TNRC6B: variants seen among roughly 807,000 people sequenced by gnomAD.
TNRC6B encodes the protein trinucleotide repeat-containing gene 6B protein.
A neutral mutation model predicts 203.6 loss-of-function variants in TNRC6B; 52 were observed. The observed-to-expected ratio is 0.26, with a 90% CI of 0.20 to 0.32. The LOEUF (loss-of-function observed/expected upper bound fraction) is 0.32, where lower values mean the gene tolerates loss of function less well. TNRC6B is among the 10% of genes least tolerant of loss of function. The probability of loss-of-function intolerance (pLI) is 1.00; values close to 1 mark genes in which losing one functional copy is unlikely to be tolerated. For synonymous variants in TNRC6B, 838 were observed against 845.7 expected (o/e 0.99, Z 0.16); for missense variants, 1,923 against 2,286.2 (o/e 0.84, Z 3.24).
intron 2 of TNRC6B, 69 bp downstream of exon 2, chr22:40,246,171 T>A: frequency 1.6e-6 from 2 of 1,220,360 alleles, no homozygotes; most frequent in South Asian, 2.9e-5. Flanking sequence ...AGAAACTGTC[T>A]TGGCTTGAAT....
chr22:40,206,484 G>C (rs901654852), intron 1 of TNRC6B, among the ~76,000 whole-genome samples: 4 of 152,088 alleles, frequency 2.6e-5, no homozygotes, highest in African/African-American at 7.2e-5. Flanking sequence ...GGTTAAGAAG[G>C]CTCAATTATT....
chr22:40,127,025 A>T (rs139946025), intron 3 of TNRC6B, among the ~76,000 whole-genome samples: 23 of 148,996 alleles, frequency 1.5e-4, no homozygotes, highest in African/African-American at 4.4e-4. Flanking sequence ...TAAATAAAAT[A>T]AAAATAAATA....
At chr22:40,104,915 C>T (rs896905344) in intron 1 of TNRC6B, among the ~76,000 whole-genome samples, 4 of 152,184 alleles carry the variant, frequency 2.6e-5, no homozygotes, top group Non-Finnish European at 4.4e-5. Context: ...GGAATTTAGA[C>T]CAATCAGTCT....
Position 40,323,425 on chromosome 22 carries a change from TCA to T in TNRC6B, c.*185_*186del, listed in dbSNP as rs2071364593. On this transcript the variant is annotated 3_prime_UTR_variant, in exon 23 of 23. Coordinates refer to ENST00000454349, the MANE Select transcript of TNRC6B (RefSeq NM_001162501.2). ...GCACATAGTTGCCTCCCTTATAACT[TCA>T]GTTTTTTCGTTTGGAATATGAATCC... 1 of 655,258 alleles carries T rather than the reference TCA, an allele frequency of 1.5e-6. No individual in the cohort carries two copies. The highest frequency in any genetic ancestry group is 1.9e-5 in the African/African-American group (1 of 53,570). 40.6% of individuals were successfully genotyped at this position (655,258 alleles called of 1,614,324 possible). A position where few individuals can be genotyped will look rare whatever the true frequency, so the allele number is the denominator to read the frequency against.
chr22:40,255,883 T>C (rs538262769), intron 3 of TNRC6B, among the ~76,000 whole-genome samples: 12 of 152,244 alleles, frequency 7.9e-5, no homozygotes, highest in African/African-American at 2.6e-4. Flanking sequence ...GACAGAGTCT[T>C]GCTCTGTTGC....
chr22:40,231,020 C>T (rs2069862281), intron 1 of TNRC6B, among the ~76,000 whole-genome samples: 1 of 152,018 alleles, frequency 6.6e-6, no homozygotes, highest in South Asian at 2.1e-4. Flanking sequence ...ATTACCTTTG[C>T]AGCTTTTTTG....
chr22:40,045,052 G>A (rs2067673693), intron 1 of TNRC6B: 1 of 146,444 alleles, frequency 6.8e-6, no homozygotes, highest in Admixed American at 6.8e-5. Flanking sequence ...GCCCCGCCGG[G>A]ACGGAGCGGG....
intron 3 of TNRC6B, among the ~76,000 whole-genome samples, chr22:40,257,646 G>T (rs1468826636): frequency 6.6e-6 from 1 of 152,080 alleles, no homozygotes; most frequent in African/African-American, 2.4e-5. Flanking sequence ...ATCCTGGGAG[G>T]CGGAGGTTGC....
At chr22:40,299,164 A>C (rs74609659) in intron 12 of TNRC6B, among the ~76,000 whole-genome samples, 87 of 151,206 alleles carry the variant, frequency 5.8e-4, no homozygotes, top group African/African-American at 1.3e-3. Context: ...AAAACAAAAA[A>C]AAAAAAAAAA....
At chr22:40,124,876 G>C (rs1216376033) in intron 2 of TNRC6B, among the ~76,000 whole-genome samples, 1 of 151,934 alleles carries the variant, frequency 6.6e-6, no homozygotes, top group Non-Finnish European at 1.5e-5. Flanking sequence ...GGCCGGGTGT[G>C]GTGGCAGGCG....
In TNRC6B at chr22:40,331,457, A is replaced by G. The variant is rs1287459075; in HGVS notation, c.*8216A>G. The G allele has an allele frequency of 8.5e-6, 3 of 353,990 alleles. No individual in the cohort carries two copies. Among genetic ancestry groups the G allele is most frequent in the African/African-American group, 4.2e-5 (2 of 47,842 alleles). The allele number at this position is 353,990 out of a possible 1,614,324, so 21.9% of individuals were successfully genotyped here. A position where few individuals can be genotyped will look rare whatever the true frequency, so the allele number is the denominator to read the frequency against. On this transcript the variant is annotated 3_prime_UTR_variant, in exon 23 of 23. Transcript: ENST00000454349. ...CAAGCAAATGCTAAGGGCCATTTCC[A>G]TGATTCCTCAGAGCTCCCCCAAAGA...
chr22:40,098,219 C>T (rs1236916974), intron 1 of TNRC6B, among the ~76,000 whole-genome samples: 1 of 151,668 alleles, frequency 6.6e-6, no homozygotes, highest in Admixed American at 6.6e-5. Context: ...AACCCCATCT[C>T]TACTAAAAAT....
intron 3 of TNRC6B, among the ~76,000 whole-genome samples, chr22:40,141,684 C>T (rs1340086465): frequency 6.6e-6 from 1 of 152,086 alleles, no homozygotes; most frequent in African/African-American, 2.4e-5. Flanking sequence ...TGTAGTCTGC[C>T]TACTGTTGCA....
At position 40,137,810 on chromosome 22, in the gene TNRC6B, C is replaced by T. The variant is rs772927352; in HGVS notation, c.45+11948C>T. On this transcript the variant is annotated intron_variant, in intron 3 of 23. Transcript: ENST00000301923. Reference sequence around the variant, plus strand: ...ACCAGCCTGGCCAACATGGTGAAACCGCATCTCTACTAAAAATACAAAAAT... The same window carrying T: ...ACCAGCCTGGCCAACATGGTGAAACTGCATCTCTACTAAAAATACAAAAAT... 7.2e-5 allele frequency among the ~76,000 whole-genome samples: 11 copies of T among 151,882 alleles called. No individual in the cohort carries two copies. The South Asian group carries it at 1.2e-3, about 17-fold the overall frequency.
intron 1 of TNRC6B, among the ~76,000 whole-genome samples, chr22:40,048,241 G>T (rs551356871): frequency 6.6e-6 from 1 of 152,178 alleles, no homozygotes; most frequent in East Asian, 1.9e-4. Context: ...TTACCTAGTG[G>T]GTAAATTTCC....
rs189799786 is a variant in TNRC6B at position 40,266,009 on chromosome 22, C to T, written c.1779C>T (p.Tyr593=). 3.0e-4 allele frequency: 487 copies of T among 1,613,830 alleles called. No homozygotes were observed. The highest frequency in any genetic ancestry group is 8.3e-4 in the Admixed American group (50 of 60,032). Residue 593 remains tyrosine, a synonymous_variant, in exon 5 of 23, where the codon TAC becomes TAT. Coordinates refer to ENST00000454349, the MANE Select transcript of TNRC6B (RefSeq NM_001162501.2). ...GTCATAACTCTGGCCGTCGGTCGTA[C>T]AGGCCCACACATCCTGATTGTCAGG... The part of the protein sequence containing the change: ...SDSHNSGRRS[Y]RPTHPDCQAV...
intron 1 of TNRC6B, among the ~76,000 whole-genome samples, chr22:40,101,961 G>A (rs150497734): frequency 5.3e-4 from 81 of 152,316 alleles, no homozygotes; most frequent in South Asian, 8.3e-4. Flanking sequence ...GGCCGAGCCA[G>A]TGACCTACTT....
At chr22:40,086,708 A>C (rs1255286944) in intron 1 of TNRC6B, among the ~76,000 whole-genome samples, 1 of 152,246 alleles carries the variant, frequency 6.6e-6, no homozygotes, top group Non-Finnish European at 1.5e-5. Context: ...AGAGAAATTC[A>C]ATTTTTTCTT....
chr22:40,122,651 A>T (rs2068456039), intron 2 of TNRC6B, among the ~76,000 whole-genome samples: 1 of 152,182 alleles, frequency 6.6e-6, no homozygotes, highest in African/African-American at 2.4e-5. Flanking sequence ...AGAGGAGCCA[A>T]AGGTGGAAAC....
Sources: allele counts gnomAD v4.1 joint callset (sites outside exome capture counted in the v4.1 genomes callset), GRCh38; gene constraint gnomAD v4.1.1; transcripts MANE v1.5; gene names NCBI Gene and HGNC (gene_info 2026-07-23, HGNC 2026-07-21).